Variants in SLC13A4 observed in about 807,000 individuals in gnomAD.
SLC13A4 encodes Na(+)/sulfate cotransporter SUT-1.
In SLC13A4, 28 loss-of-function variants were observed where a neutral mutation model predicts 72.7. The observed-to-expected ratio is 0.39, with a 90% CI of 0.29 to 0.53. The LOEUF (loss-of-function observed/expected upper bound fraction) is 0.53, where lower values mean the gene tolerates loss of function less well. Among genes scored for constraint, SLC13A4 ranks in the 20% least tolerant of loss-of-function variants. SLC13A4 has a pLI of 0.78. For missense variants in SLC13A4, 653 were observed against 788.0 expected, an observed-to-expected ratio of 0.83 and a Z score of 2.05; for synonymous variants, 312 against 325.5, an observed-to-expected ratio of 0.96 and a Z score of 0.45.
At chr7:135,684,992 C>G (rs146175155) in intron 14 of SLC13A4, among the ~76,000 whole-genome samples, 1 of 152,156 alleles carries the variant, frequency 6.6e-6, no homozygotes, top group Non-Finnish European at 1.5e-5. Context: ...CTATTCACAA[C>G]AAATTGGTCT....
chr7:135,698,866 C>G (rs1006109845), intron 8 of SLC13A4, among the ~76,000 whole-genome samples: 7 of 152,114 alleles, frequency 4.6e-5, no homozygotes, highest in Non-Finnish European at 2.9e-5. Flanking sequence ...GGATCCTGAC[C>G]TCGTGATGCG....
At chr7:135,712,732 G>A (rs886374893) in intron 2 of SLC13A4, among the ~76,000 whole-genome samples, 1 of 152,204 alleles carries the variant, frequency 6.6e-6, no homozygotes, top group African/African-American at 2.4e-5. Flanking sequence ...CAGTGGTGTT[G>A]TTTATTAGTT....
At chr7:135,725,692 C>T (rs1293255685) in intron 1 of SLC13A4, among the ~76,000 whole-genome samples, 2 of 152,100 alleles carry the variant, frequency 1.3e-5, no homozygotes, top group Non-Finnish European at 2.9e-5. Flanking sequence ...TGATGCAGGC[C>T]AGGCACGGTG....
chr7:135,723,399 T>C (rs1563173200), intron 1 of SLC13A4, among the ~76,000 whole-genome samples: 1 of 152,196 alleles, frequency 6.6e-6, no homozygotes, highest in Non-Finnish European at 1.5e-5. Flanking sequence ...CCCTGAATTA[T>C]GCTGATGAAC....
intron 2 of SLC13A4, among the ~76,000 whole-genome samples, chr7:135,717,191 TC>T (rs1796451223): frequency 1.3e-5 from 2 of 152,222 alleles, no homozygotes; most frequent in African/African-American, 2.4e-5. Context: ...GTTCAGCTGT[TC>T]ACCCAGCCCT....
At chr7:135,695,867 G>A (rs1795892576) in intron 8 of SLC13A4, among the ~76,000 whole-genome samples, 1 of 152,176 alleles carries the variant, frequency 6.6e-6, no homozygotes, top group Non-Finnish European at 1.5e-5. Context: ...ATCACCAAAG[G>A]AATGTAAGTT....
chr7:135,708,088 G>A lies in SLC13A4; in HGVS notation c.365+26C>T, dbSNP rs141948877. 30 of 1,608,240 alleles carry A rather than the reference G, an allele frequency of 1.9e-5. No individual in the cohort carries two copies. The African/African-American group carries it at 3.7e-4, about 20-fold the overall frequency. On this transcript the variant is annotated intron_variant, in intron 3 of 15. Transcript: ENST00000682651. ...ACTGGGAGCTAGAAGGATGCCCTATGTCCTGGCATCCCAAATAAGACTTAC... is the reference window on the plus strand; with the variant it reads ...ACTGGGAGCTAGAAGGATGCCCTATATCCTGGCATCCCAAATAAGACTTAC...
At chr7:135,688,123 G>A (rs1029313407) in intron 13 of SLC13A4, among the ~76,000 whole-genome samples, 3 of 149,906 alleles carry the variant, frequency 2.0e-5, no homozygotes, top group South Asian at 2.1e-4. Context: ...TTACAGGCGC[G>A]TGCCACCACA....
chr7:135,687,978 ATTT>A (rs758150576), intron 13 of SLC13A4, among the ~76,000 whole-genome samples: 1 of 134,748 alleles, frequency 7.4e-6, no homozygotes, highest in Admixed American at 7.4e-5. Context: ...CCCCGGCTAA[ATTT>A]TTTTTTTTTT....
rs555128430 is a variant in SLC13A4 at position 135,706,413 on chromosome 7, A to G, written c.366-113T>C. ...CTGGTCTAGACAGCTGTGGCTGGAA[A>G]GGCAGGCATTTGTCCTGCAGGGTGC... On this transcript the variant is annotated intron_variant, in intron 3 of 15. Transcript: ENST00000682651. 2.4e-3 allele frequency: 2,735 copies of G among 1,139,764 alleles called. 5 individuals carry two copies. Among genetic ancestry groups the G allele is most frequent in the Non-Finnish European group, 2.7e-3 (2,169 of 815,878 alleles). 70.6% of individuals were successfully genotyped at this position (1,139,764 alleles called of 1,614,324 possible).
chr7:135,716,281 G>A (rs1213937755), intron 2 of SLC13A4, among the ~76,000 whole-genome samples: 1 of 151,946 alleles, frequency 6.6e-6, no homozygotes, highest in East Asian at 1.9e-4. Flanking sequence ...TGATGTACTG[G>A]ACACATCATT....
chr7:135,682,915 G>A (rs893656636), intron 15 of SLC13A4, among the ~76,000 whole-genome samples: 7 of 152,124 alleles, frequency 4.6e-5, no homozygotes, highest in Admixed American at 1.3e-4. Flanking sequence ...TGAGGGTTAC[G>A]CAGTAAGATG....
At chr7:135,725,929 A>T (rs540479534) in intron 1 of SLC13A4, among the ~76,000 whole-genome samples, 12 of 152,282 alleles carry the variant, frequency 7.9e-5, no homozygotes, top group African/African-American at 2.9e-4. Context: ...CGATTGTGCC[A>T]CCGCACTCCG....
intron 8 of SLC13A4, among the ~76,000 whole-genome samples, chr7:135,698,929 G>C (rs573087749): frequency 6.6e-6 from 1 of 152,042 alleles, no homozygotes; most frequent in African/African-American, 2.4e-5. Flanking sequence ...CACTGCGCCC[G>C]GCCTTTTTTT....
At chr7:135,708,957 T>A in intron 2 of SLC13A4, among the ~76,000 whole-genome samples, 1 of 128,168 alleles carries the variant, frequency 7.8e-6, no homozygotes, top group Non-Finnish European at 1.6e-5. Context: ...TGAGATGGAG[T>A]CTCGCTCTGT....
intron 13 of SLC13A4, 43 bp from the exon 14 acceptor site, chr7:135,685,726 A>C: frequency 6.4e-7 from 1 of 1,555,558 alleles, no homozygotes; most frequent in Non-Finnish European, 8.8e-7. Flanking sequence ...GAGAAGAAGC[A>C]CATCCCAGCT....
At chr7:135,710,827 G>A (rs868028681) in intron 2 of SLC13A4, among the ~76,000 whole-genome samples, 5 of 152,174 alleles carry the variant, frequency 3.3e-5, no homozygotes. Flanking sequence ...TTTCCTGGGG[G>A]GAAAAGCCCC....
intron 13 of SLC13A4, among the ~76,000 whole-genome samples, chr7:135,688,366 C>T (rs538786372): frequency 1.3e-5 from 2 of 152,158 alleles, no homozygotes; most frequent in Admixed American, 6.5e-5. Context: ...AAGTGATTCT[C>T]CTGCCTCAGC....
chr7:135,690,502 C>T (rs765481959), intron 13 of SLC13A4, among the ~76,000 whole-genome samples: 1 of 152,138 alleles, frequency 6.6e-6, no homozygotes, highest in Non-Finnish European at 1.5e-5. Context: ...ATCTCTGGTC[C>T]CTTACAGAGA....
Sources: gnomAD v4.1 joint callset for allele counts (sites outside exome capture counted in the v4.1 genomes callset) on GRCh38, gnomAD v4.1.1 for gene constraint, MANE v1.5 for transcripts, NCBI Gene and HGNC (gene_info 2026-07-23, HGNC 2026-07-21) for gene names.